Variants in EBF3 observed in about 807,000 individuals in gnomAD.
EBF3 encodes the protein transcription factor COE3.
EBF3 carries 18 observed loss-of-function variants against 77.1 expected under a neutral mutation model. The ratio of observed to expected loss-of-function variants is 0.23; its 90% CI spans 0.16 to 0.35. The LOEUF (loss-of-function observed/expected upper bound fraction) is 0.35. Ranked by LOEUF, EBF3 falls within the 10% of genes least tolerant of loss-of-function variation. The pLI is 1.00. For synonymous variants in EBF3, 350 were observed against 343.5 expected, an observed-to-expected ratio of 1.02 and a Z score of -0.21; for missense variants, 558 against 860.0, an observed-to-expected ratio of 0.65 and a Z score of 4.39.
chr10:129,845,472 C>T (rs778153528), intron 11 of EBF3: 2 of 151,804 alleles, frequency 1.3e-5, no homozygotes, highest in African/African-American at 2.4e-5. Context: ...GTACAGTGGT[C>T]GACAGCGATT....
intron 6 of EBF3, among the ~76,000 whole-genome samples, chr10:129,915,361 C>G (rs1207406034): frequency 2.0e-5 from 3 of 152,028 alleles, no homozygotes; most frequent in Non-Finnish European, 4.4e-5. Flanking sequence ...CAGTGAGAAA[C>G]CTCAACTCCC....
In EBF3 at chr10:129,837,746, G is replaced by T. The variant is rs1257644552; in HGVS notation, c.*197C>A. ...AATGGAATTGTTCATGAAGAAGTAGGCTGTTTGCATGTTGATTCTTAATAG... is the reference window on the plus strand; with the variant it reads ...AATGGAATTGTTCATGAAGAAGTAGTCTGTTTGCATGTTGATTCTTAATAG... On this transcript the variant is annotated 3_prime_UTR_variant, in exon 17 of 17. Transcript: ENST00000440978. The T allele has an allele frequency of 3.1e-6, 2 of 635,132 alleles. No individual in the cohort carries two copies. The highest frequency in any genetic ancestry group is 3.7e-5 in the African/African-American group (2 of 54,426). The allele number at this position is 635,132 out of a possible 1,614,324, so 39.3% of individuals were successfully genotyped here.
Position 129,837,882 on chromosome 10 carries a change from A to C in EBF3, c.*61T>G, listed in dbSNP as rs2133927669. 1 of 1,613,590 alleles carries C rather than the reference A, an allele frequency of 6.2e-7. No homozygotes were observed. The highest frequency in any genetic ancestry group is 2.2e-5 in the East Asian group (1 of 44,874). On this transcript the variant is annotated 3_prime_UTR_variant, in exon 17 of 17. Transcript: ENST00000440978. ...TTAATATACTAAACGTGTCCCCTGAAGTCCGTCCTTTGATGCTGGGTGCTG... is the reference window on the plus strand; with the variant it reads ...TTAATATACTAAACGTGTCCCCTGACGTCCGTCCTTTGATGCTGGGTGCTG...
intron 6 of EBF3, among the ~76,000 whole-genome samples, chr10:129,908,108 C>T (rs776587274): frequency 6.6e-6 from 1 of 152,134 alleles, no homozygotes; most frequent in Non-Finnish European, 1.5e-5. Context: ...ATTTGTGAGG[C>T]TCATCCCGTC....
chr10:129,883,665 C>T (rs182776546), intron 6 of EBF3, among the ~76,000 whole-genome samples: 3 of 150,294 alleles, frequency 2.0e-5, no homozygotes, highest in African/African-American at 4.9e-5. Context: ...TGTTTTAATA[C>T]GTAATAACCT....
Position 129,841,043 on chromosome 10 carries a change from C to CCCT in EBF3, c.1373-12_1373-11insAGG, listed in dbSNP as rs1554892380. The CCCT allele has an allele frequency of 8.9e-6, 12 of 1,350,208 alleles. No homozygotes were observed. The East Asian group carries it at 1.1e-4, about 12-fold the overall frequency. The allele number at this position is 1,350,208 out of a possible 1,614,324, so 83.6% of individuals were successfully genotyped here. ...TGCGACTGTAGCCGACTGTTGAAAT[C>CCCT]CCCCCCCCGGCCAAAAATAACATTA... On this transcript the variant is annotated splice_polypyrimidine_tract_variant and intron_variant, in intron 13 of 16. Transcript: ENST00000440978. This position sits in a 1 kb window ranked among gnomAD's most constrained non-coding sequence, Gnocchi z 4.6.
Position 129,835,519 on chromosome 10 carries a change from T to C in EBF3, c.*2424A>G, listed in dbSNP as rs1849567288. The C allele has an allele frequency of 6.6e-6, 1 of 152,206 alleles. No homozygotes were observed. The highest frequency in any genetic ancestry group is 2.1e-4 in the South Asian group (1 of 4,828). 9.4% of individuals were successfully genotyped at this position (152,206 alleles called of 1,614,324 possible). A position where few individuals can be genotyped will look rare whatever the true frequency, so the allele number is the denominator to read the frequency against. On this transcript the variant is annotated 3_prime_UTR_variant, in exon 17 of 17. Transcript: ENST00000440978. ...TGGGGAAGCTGGCAGGCGTTCTCAG[T>C]GCGTCCATGTGAGCTCTTTTGTAGA...
At chr10:129,869,600 G>A (rs556392030) in intron 8 of EBF3, among the ~76,000 whole-genome samples, 1 of 152,198 alleles carries the variant, frequency 6.6e-6, no homozygotes, top group African/African-American at 2.4e-5. Flanking sequence ...GGAAGCCCGC[G>A]TGCCGTGGTT....
intron 6 of EBF3, among the ~76,000 whole-genome samples, chr10:129,929,649 G>A (rs866904473): frequency 1.3e-5 from 2 of 152,230 alleles, no homozygotes; most frequent in African/African-American, 4.8e-5. Flanking sequence ...AGTCCAAGGA[G>A]GCCCCCATGT....
Position 129,944,248 on chromosome 10 carries a change from G to T in EBF3, c.554+13010C>A, listed in dbSNP as rs757199570. Among the ~76,000 whole-genome samples the T allele has an allele frequency of 2.0e-5, 3 of 152,176 alleles. No individual in the cohort carries two copies. Among genetic ancestry groups the T allele is most frequent in the Non-Finnish European group, 4.4e-5 (3 of 68,026 alleles). ...AATATATTGTTTATTTGCGGGTGGG[G>T]TCATTTCTCCTTTCAGATTGGTCAA... On this transcript the variant is annotated intron_variant, in intron 6 of 16. Transcript: ENST00000440978. The surrounding 1 kb of genome is among the most constrained non-coding windows in gnomAD (Gnocchi z 5.1).
intron 6 of EBF3, among the ~76,000 whole-genome samples, chr10:129,905,099 T>G (rs1040623922): frequency 6.6e-6 from 1 of 152,198 alleles, no homozygotes; most frequent in Non-Finnish European, 1.5e-5. Flanking sequence ...ACCCCAGGGC[T>G]CCACCCTCAG....
intron 6 of EBF3, among the ~76,000 whole-genome samples, chr10:129,892,127 T>C: frequency 6.6e-6 from 1 of 152,352 alleles, no homozygotes; most frequent in Admixed American, 6.5e-5. Context: ...TCAAGTGAAC[T>C]TGACTGAGCA....
chr10:129,857,672 G>A (rs993938989), intron 10 of EBF3, among the ~76,000 whole-genome samples: 1 of 152,152 alleles, frequency 6.6e-6, no homozygotes, highest in African/African-American at 2.4e-5. Context: ...CACCAGACAC[G>A]TGCCAACTGC....
rs544463666 is a variant in EBF3 at position 129,884,816 on chromosome 10, A to G, written c.555-6967T>C. ...TCCACGGCTTGACTTGCAGTTCAAC[A>G]ACGACTGGCCTTTGTCTGGGGATTC... On this transcript the variant is annotated intron_variant, in intron 6 of 16. Coordinates refer to ENST00000440978, the MANE Select transcript of EBF3 (RefSeq NM_001375380.1). Among the ~76,000 whole-genome samples the G allele has an allele frequency of 3.9e-5, 6 of 152,298 alleles. No homozygotes were observed. In the South Asian group the frequency reaches 1.2e-3, roughly 32 times the overall value.
At chr10:129,868,033 G>A (rs903554907) in intron 8 of EBF3, 121 bp from the exon 9 acceptor site, 43 of 1,355,026 alleles carry the variant, frequency 3.2e-5, no homozygotes, top group Admixed American at 3.0e-4. Flanking sequence ...TCCTCCAGGC[G>A]GCACGCAAAG....
chr10:129,952,716 G>A lies in EBF3; in HGVS notation c.554+4542C>T, dbSNP rs1047217898. On this transcript the variant is annotated intron_variant, in intron 6 of 16. Transcript: ENST00000440978. The surrounding 1 kb of genome is among the most constrained non-coding windows in gnomAD (Gnocchi z 4.7). ...TCTGAAAACAACCTGACAAGAAGAT[G>A]TAAAGGGCTAGGGAATAACCCGGTG... Among the ~76,000 whole-genome samples the A allele has an allele frequency of 6.6e-6, 1 of 152,156 alleles. No homozygotes were observed. Among genetic ancestry groups the A allele is most frequent in the Non-Finnish European group, 1.5e-5 (1 of 68,032 alleles).
At chr10:129,900,692 C>T (rs1049545818) in intron 6 of EBF3, among the ~76,000 whole-genome samples, 2 of 152,266 alleles carry the variant, frequency 1.3e-5, no homozygotes, top group African/African-American at 4.8e-5. Context: ...ATTGATGGTG[C>T]TGTAGCCAGG....
chr10:129,896,696 G>A (rs754355955), intron 6 of EBF3, among the ~76,000 whole-genome samples: 20 of 152,310 alleles, frequency 1.3e-4, no homozygotes, highest in African/African-American at 2.2e-4. Flanking sequence ...TGCTCCTCCC[G>A]CTGCTCTCCT....
intron 11 of EBF3, chr10:129,845,915 TTTG>T (rs1388320766): frequency 3.5e-5 from 5 of 142,430 alleles, no homozygotes; most frequent in African/African-American, 1.3e-4. Context: ...TAAAATGTAA[TTTG>T]TTTTTTCTGC....
Sources: gnomAD v4.1 joint callset for allele counts (sites outside exome capture counted in the v4.1 genomes callset) on GRCh38, gnomAD v4.1.1 for gene constraint, Gnocchi (gnomAD v3.1) non-coding constraint, MANE v1.5 for transcripts, NCBI Gene and HGNC (gene_info 2026-07-23, HGNC 2026-07-21) for gene names.